Variants in SNX29 observed in about 807,000 individuals in gnomAD.
SNX29 encodes sorting nexin-29.
Under a neutral mutation model 102.1 loss-of-function variants are expected in SNX29, and 78 were observed. That is an observed-to-expected ratio of 0.76 (90% CI 0.64 to 0.92). SNX29 has a LOEUF of 0.92. Ranked by LOEUF, SNX29 falls within the 40% of genes least tolerant of loss-of-function variation. SNX29 has a pLI of 0.00. For synonymous variants in SNX29, 580 were observed against 414.5 expected (o/e 1.40, Z -4.85); for missense variants, 1,280 against 1,061.7 (o/e 1.21, Z -2.86).
At chr16:12,072,462 G>T in intron 10 of SNX29, among the ~76,000 whole-genome samples, 1 of 152,104 alleles carries the variant, frequency 6.6e-6, no homozygotes, top group East Asian at 1.9e-4. Context: ...TTATATGCTG[G>T]ATTACATTTA....
At chr16:12,047,658 T>C (rs1370022260) in intron 6 of SNX29, among the ~76,000 whole-genome samples, 1 of 54,976 alleles carries the variant, frequency 1.8e-5, no homozygotes. Context: ...GGTCTTTTTT[T>C]TTTTTTTTTT....
intron 20 of SNX29, among the ~76,000 whole-genome samples, chr16:12,529,092 G>T (rs1028427472): frequency 6.6e-6 from 1 of 152,212 alleles, no homozygotes; most frequent in Non-Finnish European, 1.5e-5. Flanking sequence ...TGAAGAATCG[G>T]GAGGTTGAGT....
At chr16:12,313,834 A>G (rs886339978) in intron 15 of SNX29, among the ~76,000 whole-genome samples, 35 of 152,242 alleles carry the variant, frequency 2.3e-4, no homozygotes, top group African/African-American at 7.0e-4. Flanking sequence ...TCCTATGACA[A>G]TGGCTTCCTA....
intron 20 of SNX29, among the ~76,000 whole-genome samples, chr16:12,555,290 T>C (rs115290781): frequency 0.015 from 2,288 of 150,660 alleles, 55 homozygotes; most frequent in African/African-American, 0.052. Flanking sequence ...AGAGCAGGGG[T>C]GCTGTCCAGT....
chr16:12,161,763 C>T (rs945482891), intron 13 of SNX29, among the ~76,000 whole-genome samples: 1 of 151,778 alleles, frequency 6.6e-6, no homozygotes, highest in Non-Finnish European at 1.5e-5. Context: ...CTTCCACCCT[C>T]CCTGCCCGCC....
intron 4 of SNX29, among the ~76,000 whole-genome samples, chr16:12,033,942 C>G (rs1163266017): frequency 6.6e-6 from 1 of 152,124 alleles, no homozygotes; most frequent in South Asian, 2.1e-4. Context: ...ACAGTAGATG[C>G]CACCAAAGGA....
In SNX29 at chr16:12,477,796, A is replaced by G. The variant is rs1378816332; in HGVS notation, c.2115A>G (p.Leu705=). 1.2e-6 allele frequency: 2 copies of G among 1,613,438 alleles called. No homozygotes were observed. The highest frequency in any genetic ancestry group is 1.7e-6 in the Non-Finnish European group (2 of 1,179,752). The part of the protein sequence containing the change: ...YTEFRSLHHK[L]QNKYPQVRAY... ...AGTTCAGGAGTTTGCACCACAAGTT[A>G]CAAAACAAGTACCCTCAAGTGAGGG... The change falls in exon 19 of 21, where the codon TTA becomes TTG. Residue 705 remains leucine, a synonymous_variant. Coordinates refer to ENST00000566228, the MANE Select transcript of SNX29 (RefSeq NM_032167.5).
intron 13 of SNX29, chr16:12,135,401 A>G: frequency 1.5e-6 from 1 of 673,430 alleles, no homozygotes; most frequent in Non-Finnish European, 2.3e-6. Flanking sequence ...GCTCCAGAGG[A>G]TGGCAGCCCA....
chr16:12,408,823 A>G (rs186705286), intron 18 of SNX29, among the ~76,000 whole-genome samples: 43 of 152,332 alleles, frequency 2.8e-4, no homozygotes, highest in African/African-American at 1.0e-3. Context: ...TTCTAAAGGA[A>G]ATAAAATGTC....
chr16:12,257,806 A>T lies in SNX29; in HGVS notation c.1679-20127A>T, dbSNP rs1244301296. Among the ~76,000 whole-genome samples the T allele has an allele frequency of 4.0e-5, 6 of 151,652 alleles. No individual in the cohort carries two copies. The East Asian group carries it at 1.2e-3, about 29-fold the overall frequency. ...GCCTCCCAAAGTGCTAGGATTACAG[A>T]TGTGAGCCACCGCACCCAGCACCCA... On this transcript the variant is annotated intron_variant, in intron 14 of 20. Transcript: ENST00000566228.
At chr16:12,175,787 G>A (rs899515983) in intron 13 of SNX29, among the ~76,000 whole-genome samples, 2 of 152,112 alleles carry the variant, frequency 1.3e-5, no homozygotes, top group East Asian at 3.9e-4. Context: ...AGGATCACTT[G>A]AGGATCTCTT....
intron 15 of SNX29, among the ~76,000 whole-genome samples, chr16:12,309,480 A>G (rs967533302): frequency 6.6e-6 from 1 of 151,338 alleles, no homozygotes; most frequent in African/African-American, 2.4e-5. Context: ...CCTCTGTCTC[A>G]TTTTTCTTGG....
intron 15 of SNX29, among the ~76,000 whole-genome samples, chr16:12,329,602 C>T (rs565171973): frequency 1.3e-5 from 2 of 152,214 alleles, no homozygotes; most frequent in South Asian, 4.2e-4. Flanking sequence ...TGATTTGTAC[C>T]CCACACAGCC....
intron 14 of SNX29, among the ~76,000 whole-genome samples, chr16:12,234,306 G>A (rs1207229130): frequency 8.5e-5 from 13 of 152,150 alleles, no homozygotes; most frequent in Admixed American, 8.5e-4. Flanking sequence ...CCTGATGGTT[G>A]ATGGTGTTGA....
At chr16:12,552,806 A>G (rs920638333) in intron 20 of SNX29, among the ~76,000 whole-genome samples, 7 of 152,148 alleles carry the variant, frequency 4.6e-5, no homozygotes, top group African/African-American at 1.7e-4. Context: ...CCTGGAGGAG[A>G]GAACAGCCAA....
Position 12,569,901 on chromosome 16 carries a change from G to A in SNX29, c.*1272G>A, listed in dbSNP as rs1444064684. The A allele has an allele frequency of 3.5e-4, 82 of 232,028 alleles. No homozygotes were observed. The highest frequency in any genetic ancestry group is 1.7e-3 in the African/African-American group (77 of 45,378). 14.4% of individuals were successfully genotyped at this position (232,028 alleles called of 1,614,324 possible). ...AAGTTTGTGTGTTTCGCCTTAATCT[G>A]AGGCAGAGACACAGCAGAACCTGAG... On this transcript the variant is annotated 3_prime_UTR_variant, in exon 21 of 21. Transcript: ENST00000566228.
chr16:12,409,368 T>G (rs8052297), intron 18 of SNX29, among the ~76,000 whole-genome samples: 70,646 of 151,108 alleles, frequency 0.47, 17,826 homozygotes, highest in Non-Finnish European at 0.57. Flanking sequence ...TTTGCAGATG[T>G]TTGATCTTAT....
At chr16:12,540,376 C>G (rs1037616971) in intron 20 of SNX29, among the ~76,000 whole-genome samples, 2 of 152,142 alleles carry the variant, frequency 1.3e-5, no homozygotes, top group African/African-American at 2.4e-5. Context: ...CTTATTGTTG[C>G]CCTACCAAAT....
chr16:12,296,964 G>GC (rs1354559947), intron 15 of SNX29, among the ~76,000 whole-genome samples: 1 of 152,184 alleles, frequency 6.6e-6, no homozygotes, highest in Non-Finnish European at 1.5e-5. Flanking sequence ...GGCATGCCTG[G>GC]CTGCTGCCCG....
Sources: allele counts gnomAD v4.1 joint callset (sites outside exome capture counted in the v4.1 genomes callset), GRCh38; gene constraint gnomAD v4.1.1; transcripts MANE v1.5; gene names NCBI Gene and HGNC (gene_info 2026-07-23, HGNC 2026-07-21).